The following METTL13 variants were observed in gnomAD, a reference collection of about 807,000 sequenced individuals.
METTL13 encodes the protein eEF1A lysine and N-terminal methyltransferase.
METTL13 carries 52 observed loss-of-function variants against 67.4 expected under a neutral mutation model. The ratio of observed to expected loss-of-function variants is 0.77; its 90% CI spans 0.62 to 0.97. The LOEUF (loss-of-function observed/expected upper bound fraction) is 0.97. Ranked by LOEUF, METTL13 falls within the 50% of genes least tolerant of loss-of-function variation. The probability of loss-of-function intolerance (pLI) is 0.00; values close to 1 mark genes in which losing one functional copy is unlikely to be tolerated. For synonymous variants in METTL13, 354 were observed against 353.6 expected (o/e 1.00, Z -0.01); for missense variants, 825 against 889.6 (o/e 0.93, Z 0.92).
At position 171,796,892 on chromosome 1, in the gene METTL13, C is replaced by A; in HGVS notation, c.*136C>A. 8.5e-7 allele frequency: 1 copy of A among 1,171,348 alleles called. No homozygotes were observed. The highest frequency in any genetic ancestry group is 1.5e-5 in the African/African-American group (1 of 65,152). 72.6% of individuals were successfully genotyped at this position (1,171,348 alleles called of 1,614,324 possible). A position where few individuals can be genotyped will look rare whatever the true frequency, so the allele number is the denominator to read the frequency against. On this transcript the variant is annotated 3_prime_UTR_variant, in exon 8 of 8. Coordinates refer to ENST00000361735, the MANE Select transcript of METTL13 (RefSeq NM_015935.5). ...TTCACACTCAGCTACATGTGACCTCCAGCTTGGTGAGGTTGCCTGAAGATT... is the reference window on the plus strand; with the variant it reads ...TTCACACTCAGCTACATGTGACCTCAAGCTTGGTGAGGTTGCCTGAAGATT...
Position 171,783,933 on chromosome 1 carries a change from A to G in METTL13, c.347A>G (p.Gln116Arg), listed in dbSNP as rs968379221. 1.5e-5 allele frequency: 24 copies of G among 1,614,114 alleles called. No individual in the cohort carries two copies. The highest frequency in any genetic ancestry group is 1.9e-5 in the Non-Finnish European group (22 of 1,180,052). Residue 116 changes from glutamine (Q) to arginine (R), a missense_variant, in exon 2 of 8, where the codon CAG becomes CGG. By Grantham distance (43) the Gln-to-Arg change is conservative. Transcript: ENST00000361735. The stretch of plus-strand genomic sequence containing the variant: ...ATGGAGTTTCCTGATGCCTCGTTCC[A>G]GGTGGTGTTGGACAAGGGCACCCTG... ...TQMEFPDASF[Q>R]VVLDKGTLDA...
intron 4 of METTL13, 125 bp downstream of exon 4, chr1:171,788,055 A>T: frequency 1.1e-6 from 1 of 878,934 alleles, no homozygotes; most frequent in Non-Finnish European, 1.8e-6. Flanking sequence ...CTGGACTCTT[A>T]GGGTGTGAAT....
In METTL13 at chr1:171,784,309, G is replaced by A. The variant is rs1656932003; in HGVS notation, c.723G>A (p.Arg241=). 1 of 1,605,384 alleles carries A rather than the reference G, an allele frequency of 6.2e-7. No individual in the cohort carries two copies. The highest frequency in any genetic ancestry group is 8.5e-7 in the Non-Finnish European group (1 of 1,174,926). ...RKPVRLESAE[R]LAEAVQERQQ... is the part of the protein sequence containing the mutation. ...CTGTGCGGCTGGAGAGTGCCGAGCGGCTGGCCGAGGCGGTGCAGGAGCGAC... is the reference window on the plus strand; with the variant it reads ...CTGTGCGGCTGGAGAGTGCCGAGCGACTGGCCGAGGCGGTGCAGGAGCGAC... The change falls in exon 2 of 8, where the codon CGG becomes CGA. Residue 241 remains arginine, a synonymous_variant. Transcript: ENST00000361735.
chr1:171,787,108 A>T (rs3891278), intron 3 of METTL13, among the ~76,000 whole-genome samples: 1 of 151,922 alleles, frequency 6.6e-6, no homozygotes, highest in South Asian at 2.1e-4. Context: ...GAGGAGCTTC[A>T]TTTGTGGCCT....
In METTL13 at chr1:171,784,558, TGGGCTGGGGCTG is replaced by T. The variant is rs1012608508; in HGVS notation, c.913+66_913+77del. 1.2e-4 allele frequency: 167 copies of T among 1,391,840 alleles called. No homozygotes were observed. The East Asian group carries it at 2.6e-3, about 22-fold the overall frequency. The allele number at this position is 1,391,840 out of a possible 1,614,324, so 86.2% of individuals were successfully genotyped here. Reference sequence around the variant, plus strand: ...GGGCTGGCTTACAGGGGCTGGGGCTTGGGCTGGGGCTGGGGCTGAGGCTGGGCTGGGGCTTTG... The same window carrying T: ...GGGCTGGCTTACAGGGGCTGGGGCTTGGGCTGAGGCTGGGCTGGGGCTTTG... On this transcript the variant is annotated intron_variant, in intron 2 of 7. Transcript: ENST00000361735.
Position 171,784,063 on chromosome 1 carries a change from C to G in METTL13, c.477C>G (p.Ile159Met). Residue 159 changes from isoleucine (I) to methionine (M), a missense_variant, in exon 2 of 8, where the codon ATC (isoleucine) becomes ATG (methionine). Ile to Met is a conservative substitution (Grantham distance 10). Coordinates refer to ENST00000361735, the MANE Select transcript of METTL13 (RefSeq NM_015935.5). ...AGGTGGGCGGTCGCTATCTCTGCAT[C>G]TCCCTGGCTCAGGCTCACATCCTGA... ...VLQVGGRYLCISLAQAHILKK... is the reference protein window; with the variant it reads ...VLQVGGRYLCMSLAQAHILKK... The G allele has an allele frequency of 1.9e-6, 3 of 1,614,240 alleles. No individual in the cohort carries two copies. The highest frequency in any genetic ancestry group is 2.5e-6 in the Non-Finnish European group (3 of 1,180,040).
intron 6 of METTL13, 133 bp from the exon 7 acceptor site, chr1:171,794,263 A>G (rs1657295067): frequency 3.7e-6 from 5 of 1,354,712 alleles, no homozygotes; most frequent in Non-Finnish European, 4.1e-6. Context: ...TTACAGGCAA[A>G]CCACATCCTC....
Position 171,783,951 on chromosome 1 carries a change from G to T in METTL13, c.365G>T (p.Gly122Val). The change falls in exon 2 of 8, where the codon GGC (glycine) becomes GTC (valine). Residue 122 changes from glycine (G) to valine (V), a missense_variant. By Grantham distance (109) the Gly-to-Val change is moderately radical (BLOSUM62 -3). Transcript: ENST00000361735. ...TCGTTCCAGGTGGTGTTGGACAAGGGCACCCTGGATGCTGTCCTGACAGAT... is the reference window on the plus strand; with the variant it reads ...TCGTTCCAGGTGGTGTTGGACAAGGTCACCCTGGATGCTGTCCTGACAGAT... ...DASFQVVLDKGTLDAVLTDEE... is the reference protein window; with the variant it reads ...DASFQVVLDKVTLDAVLTDEE... The T allele has an allele frequency of 6.2e-7, 1 of 1,614,234 alleles. No individual in the cohort carries two copies. Among genetic ancestry groups the T allele is most frequent in the Non-Finnish European group, 8.5e-7 (1 of 1,180,038 alleles).
intron 4 of METTL13, among the ~76,000 whole-genome samples, chr1:171,789,297 A>G (rs530333566): frequency 6.6e-6 from 1 of 152,218 alleles, no homozygotes. Context: ...GCTGATCCCT[A>G]TGAAGACACA....
In METTL13 at chr1:171,784,455, C is replaced by G; in HGVS notation, c.869C>G (p.Pro290Arg). ...TACACCCTCCACGTGGTGGACAGCC[C>G]CACTGTGAAACCATCGCGGGACAAT... Reference protein sequence around the residue: ...PRYTLHVVDSPTVKPSRDNHF... With the variant: ...PRYTLHVVDSRTVKPSRDNHF... The change falls in exon 2 of 8, where the codon CCC (proline) becomes CGC (arginine). Residue 290 changes from proline to arginine, a missense_variant. By Grantham distance (103) the Pro-to-Arg change is moderately radical. Coordinates refer to ENST00000361735, the MANE Select transcript of METTL13 (RefSeq NM_015935.5). 6.6e-7 allele frequency: 1 copy of G among 1,510,466 alleles called. No individual in the cohort carries two copies. The allele number at this position is 1,510,466 out of a possible 1,614,324, so 93.6% of individuals were successfully genotyped here. A position where few individuals can be genotyped will look rare whatever the true frequency, so the allele number is the denominator to read the frequency against.
intron 4 of METTL13, among the ~76,000 whole-genome samples, 158 bp downstream of exon 4, chr1:171,788,088 G>A (rs1166811174): frequency 8.5e-5 from 13 of 152,226 alleles, no homozygotes; most frequent in Admixed American, 7.2e-4. Context: ...AGTACATTCT[G>A]TTCTTGAGCA....
At chr1:171,792,950 T>A (rs958166470) in intron 6 of METTL13, among the ~76,000 whole-genome samples, 1 of 152,186 alleles carries the variant, frequency 6.6e-6, no homozygotes, top group South Asian at 2.1e-4. Flanking sequence ...GCATCCCAGA[T>A]TTAGGACAAA....
rs888938875 is a variant in METTL13, at chr1:171,791,489, T to C, written c.1475-528T>C. Among the ~76,000 whole-genome samples, 17 of 152,190 alleles carry C rather than the reference T, an allele frequency of 1.1e-4. 1 individual carries two copies. The highest frequency in any genetic ancestry group is 9.8e-4 in the Admixed American group (15 of 15,276). ...ATAATTCTTATAGTGAAGAAGTCTTTTTTTTTGAGACAGGGATTTACTCTT... is the reference window on the plus strand; with the variant it reads ...ATAATTCTTATAGTGAAGAAGTCTTCTTTTTTGAGACAGGGATTTACTCTT... On this transcript the variant is annotated intron_variant, in intron 5 of 7. Coordinates refer to ENST00000361735, the MANE Select transcript of METTL13 (RefSeq NM_015935.5).
At position 171,789,461 on chromosome 1, in the gene METTL13, T is replaced by C. The variant is rs547379050; in HGVS notation, c.1310-991T>C. 3.3e-5 allele frequency among the ~76,000 whole-genome samples: 5 copies of C among 152,286 alleles called. No homozygotes were observed. The East Asian group carries it at 9.7e-4, about 29-fold the overall frequency. On this transcript the variant is annotated intron_variant, in intron 4 of 7. Coordinates refer to ENST00000361735, the MANE Select transcript of METTL13 (RefSeq NM_015935.5). ...CTACCTGTGTGGCATAGCAGAAAGA[T>C]GATAGGTGATGGAGACAGGCAGTCC...
chr1:171,785,406 G>A (rs1656976672), intron 2 of METTL13, among the ~76,000 whole-genome samples: 1 of 152,094 alleles, frequency 6.6e-6, no homozygotes, highest in African/African-American at 2.4e-5. Flanking sequence ...TAGAGTCTGG[G>A]GCTAGACTGC....
Position 171,781,702 on chromosome 1 carries a change from G to A in METTL13, c.-266G>A. ...GGCTCGGAAATCTAGTTCGGGAAAAGTGTGAGGGGCTCTTCACGTGGGGAA... is the reference window on the plus strand; with the variant it reads ...GGCTCGGAAATCTAGTTCGGGAAAAATGTGAGGGGCTCTTCACGTGGGGAA... On this transcript the variant is annotated 5_prime_UTR_variant, in exon 1 of 8. The change creates a new upstream start codon in the 5' untranslated region. Coordinates refer to ENST00000361735, the MANE Select transcript of METTL13 (RefSeq NM_015935.5). 3.5e-6 allele frequency: 4 copies of A among 1,143,222 alleles called. No homozygotes were observed. The highest frequency in any genetic ancestry group is 4.5e-6 in the Non-Finnish European group (4 of 887,886). The allele number at this position is 1,143,222 out of a possible 1,614,324, so 70.8% of individuals were successfully genotyped here.
intron 3 of METTL13, 85 bp from the exon 4 acceptor site, chr1:171,787,650 A>G: frequency 1.6e-6 from 2 of 1,276,750 alleles, no homozygotes; most frequent in South Asian, 2.8e-5. Context: ...ATGGGGATAT[A>G]TACACACAAA....
intron 5 of METTL13, among the ~76,000 whole-genome samples, chr1:171,791,139 A>G (rs1351721875): frequency 6.6e-6 from 1 of 152,136 alleles, no homozygotes. Flanking sequence ...AATACCCTAT[A>G]CTTTTGTCCT....
intron 7 of METTL13, among the ~76,000 whole-genome samples, chr1:171,795,302 T>C (rs1322429005): frequency 6.6e-6 from 1 of 152,234 alleles, no homozygotes; most frequent in Admixed American, 6.5e-5. Context: ...GGGTCTATTA[T>C]AAGTGGTGCT....
Sources: gnomAD v4.1 joint callset for allele counts (sites outside exome capture counted in the v4.1 genomes callset) on GRCh38, gnomAD v4.1.1 for gene constraint, MANE v1.5 for transcripts, NCBI Gene and HGNC (gene_info 2026-07-23, HGNC 2026-07-21) for gene names.